Variants in CSMD1 observed in about 807,000 individuals in gnomAD.
CSMD1 encodes CUB and sushi domain-containing protein 1.
A neutral mutation model predicts 417.5 loss-of-function variants in CSMD1; 213 were observed. The observed-to-expected ratio is 0.51, with a 90% confidence interval of 0.46 to 0.57. CSMD1 has a LOEUF of 0.57. CSMD1 is among the 20% of genes least tolerant of loss of function. The probability of loss-of-function intolerance (pLI) is 0.00; values close to 1 mark genes in which losing one functional copy is unlikely to be tolerated. For synonymous variants in CSMD1, 2,862 were observed against 1,736.8 expected (o/e 1.65, Z -16.11); for missense variants, 6,923 against 4,529.7 (o/e 1.53, Z -15.17).
At chr8:4,738,693 A>C (rs547861626) in intron 1 of CSMD1, among the ~76,000 whole-genome samples, 73 of 152,200 alleles carry the variant, frequency 4.8e-4, no homozygotes, top group Non-Finnish European at 9.0e-4. Context: ...AGTATATTAT[A>C]TAAATTTTCA....
intron 2 of CSMD1, among the ~76,000 whole-genome samples, chr8:4,481,651 A>C (rs1238223930): frequency 6.6e-6 from 1 of 152,194 alleles, no homozygotes; most frequent in East Asian, 1.9e-4. Flanking sequence ...CAAGAGGTTA[A>C]ATACCTGAGT....
At chr8:3,584,620 T>A (rs894193669) in intron 9 of CSMD1, among the ~76,000 whole-genome samples, 2 of 152,194 alleles carry the variant, frequency 1.3e-5, no homozygotes, top group Non-Finnish European at 2.9e-5. Flanking sequence ...GGCAATGTCA[T>A]AGGTAAACAT....
chr8:3,382,835 A>G (rs368987022), intron 18 of CSMD1, among the ~76,000 whole-genome samples: 3 of 151,968 alleles, frequency 2.0e-5, no homozygotes, highest in East Asian at 3.9e-4. Context: ...TTTAGTGTGC[A>G]TATAGCAAAA....
At chr8:4,067,165 G>C (rs899878564) in intron 3 of CSMD1, among the ~76,000 whole-genome samples, 1 of 152,214 alleles carries the variant, frequency 6.6e-6, no homozygotes, top group Admixed American at 6.5e-5. Context: ...AAGGATGAAA[G>C]ATACTGGGTG....
intron 5 of CSMD1, among the ~76,000 whole-genome samples, chr8:3,952,505 A>G (rs1811659218): frequency 6.6e-6 from 1 of 152,218 alleles, no homozygotes; most frequent in Non-Finnish European, 1.5e-5. Flanking sequence ...GATACAAGCC[A>G]CATAAACAAA....
chr8:3,174,213 TC>T (rs1325774600), intron 37 of CSMD1, among the ~76,000 whole-genome samples: 1 of 152,092 alleles, frequency 6.6e-6, no homozygotes, highest in Non-Finnish European at 1.5e-5. Flanking sequence ...TGAGACAGAG[TC>T]CAGGCACAGT....
intron 2 of CSMD1, among the ~76,000 whole-genome samples, chr8:4,561,161 G>A (rs151238350): frequency 0.12 from 18,369 of 152,152 alleles, 1,203 homozygotes; most frequent in Non-Finnish European, 0.14. Context: ...CATGAGGTCA[G>A]GAGATCAAGA....
At chr8:4,419,286 C>G (rs1033315739) in intron 3 of CSMD1, among the ~76,000 whole-genome samples, 3 of 152,138 alleles carry the variant, frequency 2.0e-5, no homozygotes, top group Non-Finnish European at 4.4e-5. Flanking sequence ...AAAGTAGACA[C>G]ACATCGGCCT....
chr8:4,079,924 C>G (rs778366847), intron 3 of CSMD1, among the ~76,000 whole-genome samples: 23 of 151,708 alleles, frequency 1.5e-4, no homozygotes, highest in East Asian at 5.8e-4. Context: ...CACCCCTTTT[C>G]TCAGTGTCTT....
Position 3,367,185 on chromosome 8 carries a change from C to T in CSMD1, c.2962G>A (p.Glu988Lys). ...ACGGGCTCGGAAAAACTTCCATCCTCTGTGATCAGTAAATAGTCGTGGGAA... is the reference window on the plus strand; with the variant it reads ...ACGGGCTCGGAAAAACTTCCATCCTTTGTGATCAGTAAATAGTCGTGGGAA... ...ESSHDYLLIT[E>K]DGSFSEPVAR... Residue 988 changes from glutamate to lysine, a missense_variant, in exon 20 of 70, where the codon GAG becomes AAG. By Grantham distance (56) the Glu-to-Lys change is moderately conservative. Transcript: ENST00000635120. 6.2e-7 allele frequency: 1 copy of T among 1,613,636 alleles called. No homozygotes were observed. The highest frequency in any genetic ancestry group is 8.5e-7 in the Non-Finnish European group (1 of 1,179,778).
chr8:4,005,128 G>A (rs924325669), intron 4 of CSMD1, among the ~76,000 whole-genome samples: 7 of 152,132 alleles, frequency 4.6e-5, no homozygotes, highest in African/African-American at 1.7e-4. Flanking sequence ...GGACTTTGGA[G>A]ATTTGGGGGG....
chr8:4,062,494 T>C (rs1799027454), intron 3 of CSMD1, among the ~76,000 whole-genome samples: 1 of 152,052 alleles, frequency 6.6e-6, no homozygotes, highest in East Asian at 1.9e-4. Context: ...AAATAAACAA[T>C]AACCATTCTA....
intron 5 of CSMD1, among the ~76,000 whole-genome samples, chr8:3,984,324 G>T (rs1035550514): frequency 6.6e-6 from 1 of 152,102 alleles, no homozygotes; most frequent in Admixed American, 6.5e-5. Flanking sequence ...GCCAAATTTC[G>T]ATCCACTGCC....
chr8:3,741,281 G>A (rs945952737), intron 6 of CSMD1, among the ~76,000 whole-genome samples: 5 of 150,456 alleles, frequency 3.3e-5, no homozygotes, highest in Middle Eastern at 3.3e-3. Context: ...GACTCCATGC[G>A]GTAGAGTTTA....
intron 3 of CSMD1, among the ~76,000 whole-genome samples, chr8:4,156,238 C>G (rs1368959754): frequency 2.0e-5 from 3 of 152,104 alleles, no homozygotes; most frequent in African/African-American, 7.2e-5. Flanking sequence ...GTAGCAAAAT[C>G]TTTCTTTTTA....
intron 2 of CSMD1, among the ~76,000 whole-genome samples, chr8:4,567,104 TG>T (rs59900944): frequency 0.048 from 7,345 of 152,280 alleles, 551 homozygotes; most frequent in African/African-American, 0.17. Context: ...TTAAAATGTA[TG>T]GCTTTGAAAA....
At chr8:3,230,827 C>T (rs987739228) in intron 26 of CSMD1, among the ~76,000 whole-genome samples, 2 of 152,066 alleles carry the variant, frequency 1.3e-5, no homozygotes, top group African/African-American at 4.8e-5. Flanking sequence ...ATTATATGGC[C>T]ACCCTAATAT....
At chr8:3,291,557 G>A (rs1334391203) in intron 25 of CSMD1, among the ~76,000 whole-genome samples, 1 of 152,138 alleles carries the variant, frequency 6.6e-6, no homozygotes, top group Non-Finnish European at 1.5e-5. Context: ...AGTCTTGGGA[G>A]GATGTATGTG....
intron 9 of CSMD1, among the ~76,000 whole-genome samples, chr8:3,582,343 G>A (rs1800418703): frequency 6.6e-6 from 1 of 152,120 alleles, no homozygotes; most frequent in South Asian, 2.1e-4. Flanking sequence ...ATTATCGGAA[G>A]CAAATTGAGA....
Sources: gnomAD v4.1 joint callset for allele counts (sites outside exome capture counted in the v4.1 genomes callset) on GRCh38, gnomAD v4.1.1 for gene constraint, MANE v1.5 for transcripts, NCBI Gene and HGNC (gene_info 2026-07-23, HGNC 2026-07-21) for gene names.